Variants in CCR3 observed in about 807,000 individuals in gnomAD.
The protein encoded by CCR3 is C-C motif chemokine receptor 3, also known as C-C chemokine receptor type 3.
For synonymous variants in CCR3, 203 were observed against 179.2 expected (o/e 1.13, Z -1.06); for missense variants, 419 against 437.5 (o/e 0.96, Z 0.38).
At position 46,265,496 on chromosome 3, in the gene CCR3, A is replaced by C; in HGVS notation, c.338A>C (p.Tyr113Ser). 3 of 1,614,160 alleles carry C rather than the reference A, an allele frequency of 1.9e-6. No individual in the cohort carries two copies. Among genetic ancestry groups the C allele is most frequent in the Non-Finnish European group, 1.7e-6 (2 of 1,180,010 alleles). ...HGMCKLLSGF[Y>S]HTGLYSEIFF... is the part of the protein sequence containing the mutation. ...ATGTGTAAGCTCCTCTCAGGGTTTT[A>C]TCACACAGGCTTGTACAGCGAGATC... The change falls in exon 2 of 2, where the codon TAT becomes TCT. Residue 113 changes from tyrosine (Y) to serine (S), a missense_variant. Physicochemically the swap from Tyr to Ser is moderately radical, Grantham distance 144 (BLOSUM62 -2). Coordinates refer to ENST00000395940, the MANE Select transcript of CCR3 (RefSeq NM_178329.3).
At chr3:46,218,953 G>A (rs34759782) in intron 2 of CCR3, among the ~76,000 whole-genome samples, 28,151 of 151,960 alleles carry the variant, frequency 0.19, 4,065 homozygotes, top group African/African-American at 0.4. Context: ...CTTCTATTCA[G>A]CATATTACTG....
chr3:46,229,062 G>A (rs1477095472), intron 2 of CCR3, among the ~76,000 whole-genome samples: 1 of 152,138 alleles, frequency 6.6e-6, no homozygotes, highest in Non-Finnish European at 1.5e-5. Flanking sequence ...GGGCACATAG[G>A]TAGACTGTAT....
At chr3:46,239,701 T>C (rs762920180), upstream of CCR3, among the ~76,000 whole-genome samples, 4 of 152,180 alleles carry the variant, frequency 2.6e-5, no homozygotes, top group Non-Finnish European at 5.9e-5. Context: ...GTTAGGTGAT[T>C]ACCAGCATTG....
At chr3:46,263,843 C>T (rs952296216) in intron 1 of CCR3, 2 of 153,336 alleles carry the variant, frequency 1.3e-5, no homozygotes, top group Non-Finnish European at 2.9e-5. Context: ...AGAACCCCAA[C>T]ATGTGGGGCC....
intron 2 of CCR3, among the ~76,000 whole-genome samples, chr3:46,231,605 C>T (rs1430954481): frequency 2.0e-5 from 3 of 152,114 alleles, no homozygotes; most frequent in Admixed American, 1.3e-4. Context: ...TAAAAATGTG[C>T]CAAGAGGGTA....
intron 1 of CCR3, among the ~76,000 whole-genome samples, chr3:46,258,739 G>C (rs946486921): frequency 6.6e-6 from 1 of 152,102 alleles, no homozygotes; most frequent in Non-Finnish European, 1.5e-5. Context: ...TGAGTTAGTG[G>C]CTGCTGACAA....
chr3:46,256,696 T>TA (rs775036646), intron 1 of CCR3, among the ~76,000 whole-genome samples: 2 of 152,152 alleles, frequency 1.3e-5, no homozygotes, highest in South Asian at 2.1e-4. Context: ...ATAAATTGCG[T>TA]AAAAAATCAC....
intron 1 of CCR3, among the ~76,000 whole-genome samples, chr3:46,252,706 T>C (rs1700339610): frequency 6.6e-6 from 1 of 152,002 alleles, no homozygotes; most frequent in Admixed American, 6.6e-5. Flanking sequence ...GGATAGCTGG[T>C]GGAGAGGTGG....
At chr3:46,216,293 G>A (rs537363460) in intron 2 of CCR3, among the ~76,000 whole-genome samples, 6 of 152,334 alleles carry the variant, frequency 3.9e-5, no homozygotes, top group Admixed American at 3.3e-4. Context: ...CCAAGTGAAT[G>A]AGCAAGGACC....
At chr3:46,258,238 T>C (rs1164243549) in intron 1 of CCR3, among the ~76,000 whole-genome samples, 2 of 152,226 alleles carry the variant, frequency 1.3e-5, no homozygotes, top group Non-Finnish European at 2.9e-5. Context: ...CAAGTTGACA[T>C]GCATACACAT....
chr3:46,251,212 G>T (rs545889255), intron 1 of CCR3, among the ~76,000 whole-genome samples: 2 of 152,260 alleles, frequency 1.3e-5, no homozygotes, highest in East Asian at 3.9e-4. Flanking sequence ...CTTGAAACGT[G>T]GGTGAATAAT....
intron 1 of CCR3, among the ~76,000 whole-genome samples, chr3:46,249,372 G>T (rs1178046253): frequency 6.6e-6 from 1 of 152,142 alleles, no homozygotes; most frequent in African/African-American, 2.4e-5. Flanking sequence ...AGTTTTAAGA[G>T]GTTTAGAAGC....
At chr3:46,227,000 T>C (rs545966869) in intron 2 of CCR3, among the ~76,000 whole-genome samples, 1 of 152,120 alleles carries the variant, frequency 6.6e-6, no homozygotes, top group East Asian at 1.9e-4. Flanking sequence ...GCCTCCTGAG[T>C]AGCTGGGACT....
In CCR3 at chr3:46,225,141, T is replaced by G. The variant is rs1032321171; in HGVS notation, c.-68+14234T>G. On this transcript the variant is annotated intron_variant, in intron 2 of 3. Coordinates refer to the CCR3 transcript ENST00000357422. ...GCTACTGCATGCTACATAACCTCAT[T>G]TATAATGAATTCAATAATGGTCAAA... is the stretch of plus-strand genomic sequence containing the variant. Among the ~76,000 whole-genome samples, 9 of 152,278 alleles carry G rather than the reference T, an allele frequency of 5.9e-5. No individual in the cohort carries two copies. The South Asian group carries it at 1.9e-3, about 32-fold the overall frequency.
At chr3:46,257,442 T>C (rs1332569207) in intron 1 of CCR3, among the ~76,000 whole-genome samples, 1 of 151,468 alleles carries the variant, frequency 6.6e-6, no homozygotes. Context: ...TTTTTTTTTT[T>C]TTTTTTCTGG....
chr3:46,248,097 G>A (rs1700231897), intron 1 of CCR3, among the ~76,000 whole-genome samples: 4 of 151,738 alleles, frequency 2.6e-5, no homozygotes, highest in African/African-American at 9.7e-5. Flanking sequence ...AGGAAAGAAG[G>A]AGATATGGGG....
In CCR3 at chr3:46,265,594, A is replaced by C. The variant is rs1249651603; in HGVS notation, c.436A>C (p.Thr146Pro). The change falls in exon 2 of 2, where the codon ACT (threonine) becomes CCT (proline). Residue 146 changes from threonine (T) to proline (P), a missense_variant. Coordinates refer to ENST00000395940, the MANE Select transcript of CCR3 (RefSeq NM_178329.3). Reference sequence around the variant, plus strand: ...TGCTGTGTTTGCCCTTCGAGCCCGGACTGTCACTTTTGGTGTCATCACCAG... The same window carrying C: ...TGCTGTGTTTGCCCTTCGAGCCCGGCCTGTCACTTTTGGTGTCATCACCAG... ...VHAVFALRAR[T>P]VTFGVITSIV... 1.9e-6 allele frequency: 3 copies of C among 1,613,976 alleles called. No homozygotes were observed. The highest frequency in any genetic ancestry group is 2.5e-6 in the Non-Finnish European group (3 of 1,180,004).
At chr3:46,213,951 C>T (rs1699745624) in intron 2 of CCR3, among the ~76,000 whole-genome samples, 2 of 152,200 alleles carry the variant, frequency 1.3e-5, no homozygotes, top group Admixed American at 1.3e-4. Context: ...TTTTCTGATC[C>T]TGTCATGCCC....
chr3:46,247,071 C>G (rs1700210509), intron 1 of CCR3, among the ~76,000 whole-genome samples: 1 of 152,060 alleles, frequency 6.6e-6, no homozygotes, highest in African/African-American at 2.4e-5. Context: ...CCTAGGACAT[C>G]TGATTAGAGA....
Sources: gnomAD v4.1 joint callset for allele counts (sites outside exome capture counted in the v4.1 genomes callset) on GRCh38, gnomAD v4.1.1 for gene constraint, MANE v1.5 for transcripts, NCBI Gene and HGNC (gene_info 2026-07-23, HGNC 2026-07-21) for gene names.